RSPO4: variants seen among roughly 807,000 people sequenced by gnomAD.
RSPO4 encodes the protein R-spondin-4.
A neutral mutation model predicts 24.8 loss-of-function variants in RSPO4; 23 were observed. The ratio of observed to expected loss-of-function variants is 0.93; its 90% CI spans 0.67 to 1.31. The LOEUF is 1.31. Ranked by LOEUF, RSPO4 falls within the 40% of genes most tolerant of loss-of-function variation. The pLI is 0.00. For synonymous variants in RSPO4, 141 were observed against 127.4 expected, an observed-to-expected ratio of 1.11 and a Z score of -0.72; for missense variants, 333 against 316.5, an observed-to-expected ratio of 1.05 and a Z score of -0.39.
At position 981,007 on chromosome 20, in the gene RSPO4, T is replaced by TG. The variant is rs1984717895; in HGVS notation, c.80-12870dup. Among the ~76,000 whole-genome samples, 1 of 152,088 alleles carries TG rather than the reference T, an allele frequency of 6.6e-6. No homozygotes were observed. Among genetic ancestry groups the TG allele is most frequent in the Non-Finnish European group, 1.5e-5 (1 of 68,024 alleles). ...TAAAGTTCTGGAATGGGGCCAGAGG[T>TG]GCTGGCCCGAGAACTCACTTTAAGA... On this transcript the variant is annotated intron_variant, in intron 1 of 4. Transcript: ENST00000217260. The surrounding 1 kb of genome is among the most constrained non-coding windows in gnomAD (Gnocchi z 4.6).
At chr20:971,062 T>C (rs1238672563) in intron 1 of RSPO4, among the ~76,000 whole-genome samples, 1 of 152,208 alleles carries the variant, frequency 6.6e-6, no homozygotes, top group Non-Finnish European at 1.5e-5. Context: ...AGGCTGGTCT[T>C]GAACTCTGGC....
chr20:964,186 G>A, intron 3 of RSPO4, 66 bp from the exon 4 acceptor site: 5 of 1,379,474 alleles, frequency 3.6e-6, no homozygotes, highest in Non-Finnish European at 5.0e-6. Context: ...GGGTCCTTCA[G>A]ATCCAAGGGC....
chr20:960,732 C>T (rs369448182), intron 4 of RSPO4, among the ~76,000 whole-genome samples: 63 of 152,350 alleles, frequency 4.1e-4, no homozygotes, highest in African/African-American at 1.1e-3. Context: ...ACATCTGGCT[C>T]GGCCAGGCCT....
chr20:991,104 G>C (rs569941587), intron 1 of RSPO4, among the ~76,000 whole-genome samples: 12 of 152,212 alleles, frequency 7.9e-5, no homozygotes, highest in Non-Finnish European at 8.8e-5. Context: ...TCTGGAGTGT[G>C]ACTTTGCTTG....
chr20:968,786 A>T (rs141690402), intron 1 of RSPO4, among the ~76,000 whole-genome samples: 3 of 152,334 alleles, frequency 2.0e-5, no homozygotes, highest in Non-Finnish European at 4.4e-5. Context: ...CACCATCAGC[A>T]AGGGCTCCCA....
At chr20:1,000,458 T>C (rs1194384750) in intron 1 of RSPO4, among the ~76,000 whole-genome samples, 1 of 152,206 alleles carries the variant, frequency 6.6e-6, no homozygotes, top group Admixed American at 6.5e-5. Flanking sequence ...ATTAGGAGCC[T>C]GTGTCCTTAG....
intron 4 of RSPO4, among the ~76,000 whole-genome samples, chr20:962,365 T>C (rs1984027027): frequency 6.6e-6 from 1 of 152,198 alleles, no homozygotes; most frequent in African/African-American, 2.4e-5. Context: ...AGAGTCATGT[T>C]TCACAGCACT....
intron 1 of RSPO4, among the ~76,000 whole-genome samples, chr20:998,151 G>A (rs956646679): frequency 1.1e-4 from 16 of 152,156 alleles, no homozygotes; most frequent in African/African-American, 3.9e-4. Flanking sequence ...TTGATCCCAG[G>A]GCTCTTCACT....
In RSPO4 at chr20:960,127, GGGAA is replaced by G. The variant is rs771985596; in HGVS notation, c.*226_*229del. On this transcript the variant is annotated 3_prime_UTR_variant, in exon 5 of 5. Transcript: ENST00000217260. ...ATAAGTGAGAAAGAAGAGGAAGGAA[GGGAA>G]GGAGGGAGGGAGAAAGGAGAGGAGA... 17 of 578,380 alleles carry G rather than the reference GGGAA, an allele frequency of 2.9e-5. No homozygotes were observed. The African/African-American group carries it at 3.1e-4, about 10-fold the overall frequency. 35.8% of individuals were successfully genotyped at this position (578,380 alleles called of 1,614,324 possible).
At chr20:969,244 A>C (rs1984332958) in intron 1 of RSPO4, among the ~76,000 whole-genome samples, 1 of 152,254 alleles carries the variant, frequency 6.6e-6, no homozygotes, top group Non-Finnish European at 1.5e-5. Flanking sequence ...TGAGCGGGGA[A>C]GGCTGCAGTG....
intron 4 of RSPO4, among the ~76,000 whole-genome samples, chr20:961,873 C>G (rs13040937): frequency 1.3e-5 from 2 of 151,974 alleles, no homozygotes; most frequent in Non-Finnish European, 2.9e-5. Flanking sequence ...ATCCATCCAC[C>G]TAGGCACCCA....
At chr20:962,499 C>T (rs60984502) in intron 4 of RSPO4, among the ~76,000 whole-genome samples, 3,002 of 152,254 alleles carry the variant, frequency 0.02, 105 homozygotes, top group African/African-American at 0.068. Context: ...CTCTTGGAGC[C>T]ATGAGAGGTG....
intron 1 of RSPO4, among the ~76,000 whole-genome samples, chr20:998,815 G>A (rs2122282020): frequency 6.6e-6 from 1 of 152,274 alleles, no homozygotes. Context: ...AATGAATGAA[G>A]CACTGCCAAT....
chr20:987,678 C>A (rs2122254354), intron 1 of RSPO4, among the ~76,000 whole-genome samples: 1 of 152,212 alleles, frequency 6.6e-6, no homozygotes, highest in African/African-American at 2.4e-5. Context: ...ATAGTCCCAG[C>A]TACTCAGGAG....
intron 4 of RSPO4, among the ~76,000 whole-genome samples, chr20:961,911 C>T (rs1460453449): frequency 6.6e-6 from 1 of 151,968 alleles, no homozygotes; most frequent in Non-Finnish European, 1.5e-5. Flanking sequence ...CACCTGTTCA[C>T]CTATCTACCT....
intron 3 of RSPO4, among the ~76,000 whole-genome samples, chr20:966,519 A>G (rs537379324): frequency 6.6e-6 from 1 of 152,000 alleles, no homozygotes; most frequent in South Asian, 2.1e-4. Flanking sequence ...TAAGATCACT[A>G]AAGGGTAAGG....
chr20:972,477 A>G (rs999940371), intron 1 of RSPO4, among the ~76,000 whole-genome samples: 1 of 152,236 alleles, frequency 6.6e-6, no homozygotes, highest in African/African-American at 2.4e-5. Context: ...ATGAGCGGGC[A>G]TGCCCTGTAC....
intron 3 of RSPO4, among the ~76,000 whole-genome samples, chr20:964,378 T>C (rs1984113856): frequency 6.6e-6 from 1 of 151,994 alleles, no homozygotes; most frequent in African/African-American, 2.4e-5. Context: ...GGAGGTGATG[T>C]ATGAGTTAAA....
At chr20:991,045 C>T (rs891769516) in intron 1 of RSPO4, among the ~76,000 whole-genome samples, 2 of 152,172 alleles carry the variant, frequency 1.3e-5, no homozygotes, top group African/African-American at 2.4e-5. Context: ...AAGAATCCCT[C>T]GCGGGAAGGG....
Sources: gnomAD v4.1 joint callset for allele counts (sites outside exome capture counted in the v4.1 genomes callset) on GRCh38, gnomAD v4.1.1 for gene constraint, Gnocchi (gnomAD v3.1) non-coding constraint, MANE v1.5 for transcripts, NCBI Gene and HGNC (gene_info 2026-07-23, HGNC 2026-07-21) for gene names.